ATRNL1: variants seen among roughly 807,000 people sequenced by gnomAD.
The protein encoded by ATRNL1 is attractin-like protein 1.
In ATRNL1, 95 loss-of-function variants were observed where a neutral mutation model predicts 182.7. That is an observed-to-expected ratio of 0.52 (90% CI 0.44 to 0.62). The LOEUF is 0.62. Ranked by LOEUF, ATRNL1 falls within the 20% of genes least tolerant of loss-of-function variation. ATRNL1 has a pLI of 0.00. For missense variants in ATRNL1, 1,471 were observed against 1,679.5 expected (o/e 0.88, Z 2.17); for synonymous variants, 576 against 568.3 (o/e 1.01, Z -0.19).
chr10:115,856,447 A>AAAAAAAAAAAAAAAC (rs1951188636), intron 28 of ATRNL1, among the ~76,000 whole-genome samples: 2 of 147,568 alleles, frequency 1.4e-5, no homozygotes, highest in South Asian at 2.2e-4. Flanking sequence ...AAAAAAAAAA[A>AAAAAAAAAAAAAAAC]AAAGCCATAC....
chr10:115,402,731 C>A (rs572904720), intron 20 of ATRNL1, among the ~76,000 whole-genome samples: 10 of 152,250 alleles, frequency 6.6e-5, no homozygotes, highest in African/African-American at 2.4e-4. Flanking sequence ...TAATCAGGAT[C>A]TTAATTGTGC....
chr10:115,523,988 T>C (rs921473900), intron 25 of ATRNL1, among the ~76,000 whole-genome samples: 49 of 152,202 alleles, frequency 3.2e-4, no homozygotes, highest in Non-Finnish European at 5.9e-5. Context: ...AAGTATGGTG[T>C]TGGCATTTGC....
At chr10:115,596,465 A>G (rs782775084) in intron 26 of ATRNL1, among the ~76,000 whole-genome samples, 1 of 152,240 alleles carries the variant, frequency 6.6e-6, no homozygotes, top group Non-Finnish European at 1.5e-5. Context: ...ATATATGACT[A>G]CATACAATTT....
chr10:115,944,624 G>C, intron 28 of ATRNL1, 34 bp from the exon 29 acceptor site: 1 of 1,573,224 alleles, frequency 6.4e-7, no homozygotes, highest in Non-Finnish European at 8.6e-7. Context: ...AAATGTCTAA[G>C]CAAGCATTTA....
chr10:115,530,861 G>A (rs1231077001), intron 25 of ATRNL1, among the ~76,000 whole-genome samples: 2 of 141,994 alleles, frequency 1.4e-5, no homozygotes, highest in African/African-American at 5.3e-5. Flanking sequence ...TCCCACCTAT[G>A]AGTGAGAACA....
At chr10:115,277,505 T>G (rs1349807726) in intron 13 of ATRNL1, among the ~76,000 whole-genome samples, 1 of 152,132 alleles carries the variant, frequency 6.6e-6, no homozygotes, top group African/African-American at 2.4e-5. Flanking sequence ...ATTTTAACTC[T>G]TAACTTTATT....
intron 24 of ATRNL1, among the ~76,000 whole-genome samples, chr10:115,477,513 A>G (rs1463477576): frequency 6.6e-6 from 1 of 151,612 alleles, no homozygotes; most frequent in Non-Finnish European, 1.5e-5. Flanking sequence ...TGGCAAATTT[A>G]GGACACCTGT....
At chr10:115,310,476 G>A (rs1853960895) in intron 17 of ATRNL1, among the ~76,000 whole-genome samples, 1 of 151,686 alleles carries the variant, frequency 6.6e-6, no homozygotes, top group Admixed American at 6.6e-5. Flanking sequence ...ACTTTTTTTG[G>A]CTGGCAAATT....
chr10:115,529,942 G>C (rs1851466970), intron 25 of ATRNL1, among the ~76,000 whole-genome samples: 2 of 152,028 alleles, frequency 1.3e-5, no homozygotes, highest in Admixed American at 6.6e-5. Context: ...TCTGTCCATA[G>C]ATTTGCCTAT....
chr10:115,274,149 C>T (rs1851997639), intron 13 of ATRNL1, among the ~76,000 whole-genome samples: 1 of 152,206 alleles, frequency 6.6e-6, no homozygotes, highest in African/African-American at 2.4e-5. Context: ...CAAACAGCAT[C>T]CTGTCTGCCA....
chr10:115,738,154 T>TC lies in ATRNL1; in HGVS notation c.3903+10799_3903+10800insC, dbSNP rs782187693. Among the ~76,000 whole-genome samples, 204 of 63,906 alleles carry TC rather than the reference T, an allele frequency of 3.2e-3. 14 individuals are homozygous for TC. The highest frequency in any genetic ancestry group is 7.6e-3 in the East Asian group (10 of 1,318). The allele number at this position is 63,906 out of a possible 152,430, so 41.9% of individuals were successfully genotyped here. On this transcript the variant is annotated intron_variant, in intron 27 of 28. Coordinates refer to ENST00000355044, the MANE Select transcript of ATRNL1 (RefSeq NM_207303.4). Reference sequence around the variant, plus strand: ...TTTTTTTTTTTTTTTTTTTTTTTTTTTTGAGATGGAGTCCTGCTCTGTCGC... The same window carrying TC: ...TTTTTTTTTTTTTTTTTTTTTTTTTTCTTGAGATGGAGTCCTGCTCTGTCGC...
At chr10:115,616,824 A>G (rs182363435) in intron 26 of ATRNL1, among the ~76,000 whole-genome samples, 10 of 152,348 alleles carry the variant, frequency 6.6e-5, no homozygotes, top group African/African-American at 1.9e-4. Flanking sequence ...CCTAGATTTC[A>G]GAGGATGTGT....
chr10:115,681,620 G>A (rs1183772262), intron 26 of ATRNL1, among the ~76,000 whole-genome samples: 44 of 152,096 alleles, frequency 2.9e-4, no homozygotes, highest in Non-Finnish European at 1.5e-5. Context: ...TCTCAAGAGT[G>A]TATTTGTGTT....
intron 26 of ATRNL1, among the ~76,000 whole-genome samples, chr10:115,718,541 G>C (rs927086502): frequency 3.3e-5 from 5 of 152,066 alleles, no homozygotes; most frequent in African/African-American, 1.2e-4. Flanking sequence ...CACCAGAAAA[G>C]ATAGCCTGTA....
At chr10:115,429,039 A>G (rs577392950) in intron 21 of ATRNL1, among the ~76,000 whole-genome samples, 7 of 152,226 alleles carry the variant, frequency 4.6e-5, no homozygotes, top group African/African-American at 1.7e-4. Flanking sequence ...TAGACATTCT[A>G]GAGTGTGTAT....
intron 27 of ATRNL1, among the ~76,000 whole-genome samples, chr10:115,740,479 G>A (rs2532704): frequency 0.17 from 24,848 of 146,198 alleles, 2,273 homozygotes; most frequent in Non-Finnish European, 0.21. Flanking sequence ...AGGCCAGGCT[G>A]AGCAATATCA....
intron 26 of ATRNL1, among the ~76,000 whole-genome samples, chr10:115,672,368 A>G (rs1555041677): frequency 6.6e-6 from 1 of 152,112 alleles, no homozygotes; most frequent in East Asian, 1.9e-4. Flanking sequence ...AACTTATTGT[A>G]TTCCTTTTGA....
At chr10:115,313,541 G>T (rs981340071) in intron 17 of ATRNL1, among the ~76,000 whole-genome samples, 1 of 151,984 alleles carries the variant, frequency 6.6e-6, no homozygotes, top group East Asian at 1.9e-4. Flanking sequence ...TATTTCATTC[G>T]CCAGTGGCGT....
chr10:115,732,922 A>G (rs952213398), intron 27 of ATRNL1, among the ~76,000 whole-genome samples: 2 of 152,188 alleles, frequency 1.3e-5, no homozygotes, highest in African/African-American at 4.8e-5. Context: ...GGAAAGTTAT[A>G]GGCTGTCTTA....
Sources: gnomAD v4.1 joint callset for allele counts (sites outside exome capture counted in the v4.1 genomes callset) on GRCh38, gnomAD v4.1.1 for gene constraint, MANE v1.5 for transcripts, NCBI Gene and HGNC (gene_info 2026-07-23, HGNC 2026-07-21) for gene names.